The following QRSL1 variants were observed in gnomAD, a reference collection of about 807,000 sequenced individuals.
The protein encoded by QRSL1 is glutamyl-tRNA(Gln) amidotransferase subunit A, mitochondrial.
In QRSL1, 54 loss-of-function variants were observed where a neutral mutation model predicts 61.6. That is an observed-to-expected ratio of 0.88 (90% CI 0.70 to 1.10). The LOEUF (loss-of-function observed/expected upper bound fraction) is 1.10, where lower values mean the gene tolerates loss of function less well. Among genes scored for constraint, QRSL1 ranks in the 50% least tolerant of loss-of-function variants. QRSL1 has a pLI of 0.00. For missense variants in QRSL1, 505 were observed against 622.6 expected, an observed-to-expected ratio of 0.81 and a Z score of 2.01; for synonymous variants, 228 against 225.7, an observed-to-expected ratio of 1.01 and a Z score of -0.09.
intron 1 of QRSL1, 103 bp from the exon 2 acceptor site, chr6:106,640,246 A>G: frequency 1.9e-6 from 2 of 1,026,130 alleles, no homozygotes; most frequent in Non-Finnish European, 1.5e-6. Flanking sequence ...GCCTCACTTT[A>G]AAATGTTATA....
chr6:106,640,941 A>G lies in QRSL1; in HGVS notation c.283+20A>G, dbSNP rs1380900067. 6.5e-7 allele frequency: 1 copy of G among 1,543,752 alleles called. No individual in the cohort carries two copies. The highest frequency in any genetic ancestry group is 2.3e-5 in the East Asian group (1 of 44,326). ...TGAAAGGTAAAGTTTAACTGATCAG[A>G]GCATTGATAATTTTATAAAAATAGG... On this transcript the variant is annotated intron_variant, in intron 3 of 10. Transcript: ENST00000369046.
chr6:106,666,005 A>T lies in QRSL1; in HGVS notation c.*3A>T, dbSNP rs1023591409. The T allele has an allele frequency of 1.2e-6, 2 of 1,611,958 alleles. No individual in the cohort carries two copies. Among genetic ancestry groups the T allele is most frequent in the Non-Finnish European group, 1.7e-6 (2 of 1,178,150 alleles). On this transcript the variant is annotated 3_prime_UTR_variant, in exon 11 of 11. Coordinates refer to ENST00000369046, the MANE Select transcript of QRSL1 (RefSeq NM_018292.5). Reference sequence around the variant, plus strand: ...CCTCTGTCTCTCTAAAACAGTAAACATATCTTACAAATTAAAATGACTTTT... The same window carrying T: ...CCTCTGTCTCTCTAAAACAGTAAACTTATCTTACAAATTAAAATGACTTTT...
intron 7 of QRSL1, chr6:106,653,126 A>G (rs906504049): frequency 1.7e-5 from 3 of 172,532 alleles, no homozygotes; most frequent in South Asian, 3.2e-4. Flanking sequence ...TTACTACTGC[A>G]TCTATTACAG....
Position 106,635,724 on chromosome 6 carries a change from T to A in QRSL1, c.25-4625T>A, listed in dbSNP as rs1439353974. Among the ~76,000 whole-genome samples the A allele has an allele frequency of 3.3e-5, 5 of 151,824 alleles. No homozygotes were observed. In the East Asian group the frequency reaches 9.7e-4, roughly 29 times the overall value. On this transcript the variant is annotated intron_variant, in intron 1 of 10. Coordinates refer to ENST00000369046, the MANE Select transcript of QRSL1 (RefSeq NM_018292.5). ...CCCGTCTCTACTAAAAATACAAAAA[T>A]TATCCAGGTGGTGGCACACGCCTGT...
intron 5 of QRSL1, among the ~76,000 whole-genome samples, chr6:106,649,699 A>G (rs1027126329): frequency 2.6e-5 from 4 of 152,224 alleles, no homozygotes; most frequent in Non-Finnish European, 5.9e-5. Flanking sequence ...GGAATCTGCA[A>G]TTAAAAATGT....
intron 5 of QRSL1, among the ~76,000 whole-genome samples, chr6:106,650,651 C>T (rs1777176950): frequency 5.3e-5 from 8 of 152,120 alleles, no homozygotes. Flanking sequence ...AGTTAGAGCA[C>T]TATGCAATGA....
chr6:106,642,256 A>G (rs974238230), intron 3 of QRSL1, among the ~76,000 whole-genome samples: 2 of 152,178 alleles, frequency 1.3e-5, no homozygotes, highest in Non-Finnish European at 2.9e-5. Context: ...GTGTTTCTCC[A>G]CATTGGCCAG....
intron 7 of QRSL1, chr6:106,653,860 A>G (rs1484463494): frequency 6.6e-6 from 1 of 151,554 alleles, no homozygotes; most frequent in African/African-American, 2.4e-5. Flanking sequence ...ATATCTGTGC[A>G]TTCTTTTTAA....
intron 9 of QRSL1, among the ~76,000 whole-genome samples, chr6:106,660,445 C>A (rs1377195621): frequency 2.0e-5 from 3 of 152,038 alleles, no homozygotes; most frequent in Non-Finnish European, 2.9e-5. Context: ...CCAGCCACCC[C>A]ACAGGCATGA....
intron 8 of QRSL1, 31 bp from the exon 9 acceptor site, chr6:106,655,584 C>T (rs200414355): frequency 7.3e-7 from 1 of 1,364,984 alleles, no homozygotes; most frequent in African/African-American, 1.4e-5. Context: ...TACTTCCTTT[C>T]AAGTAATGTT....
rs994539793 is a variant in QRSL1 at position 106,666,696 on chromosome 6, G to A, written c.*694G>A. The A allele has an allele frequency of 6.6e-6, 1 of 152,394 alleles. No individual in the cohort carries two copies. Among genetic ancestry groups the A allele is most frequent in the Admixed American group, 6.5e-5 (1 of 15,296 alleles). 9.4% of individuals were successfully genotyped at this position (152,394 alleles called of 1,614,324 possible). On this transcript the variant is annotated 3_prime_UTR_variant, in exon 11 of 11. Transcript: ENST00000369046. ...GAGGTAACTTGGATAGCCTAGGCAG[G>A]CAACTTATCATGTGGTGAAGGCCGC...
intron 4 of QRSL1, among the ~76,000 whole-genome samples, chr6:106,644,152 A>G (rs1777070738): frequency 6.6e-6 from 1 of 152,104 alleles, no homozygotes; most frequent in African/African-American, 2.4e-5. Context: ...GATTACAGGC[A>G]TGTGCCACCA....
At chr6:106,659,171 A>G (rs3104039) in intron 9 of QRSL1, among the ~76,000 whole-genome samples, 64,986 of 151,956 alleles carry the variant, frequency 0.43, 14,561 homozygotes, top group Non-Finnish European at 0.51. Context: ...TTGAACATAT[A>G]GAACATATTT....
chr6:106,655,484 C>T, intron 8 of QRSL1, 131 bp from the exon 9 acceptor site: 1 of 581,976 alleles, frequency 1.7e-6, no homozygotes, highest in Non-Finnish European at 3.1e-6. Flanking sequence ...CACTGCACTC[C>T]AGCCTAGGTG....
At chr6:106,653,816 C>A (rs1485853577) in intron 7 of QRSL1, 8 of 145,020 alleles carry the variant, frequency 5.5e-5, no homozygotes, top group African/African-American at 1.6e-4. Context: ...AGAGCAAGAC[C>A]CTATCTCAAA....
chr6:106,657,478 A>G (rs966821979), intron 9 of QRSL1, among the ~76,000 whole-genome samples: 1 of 152,168 alleles, frequency 6.6e-6, no homozygotes, highest in Non-Finnish European at 1.5e-5. Flanking sequence ...GATGAATTAT[A>G]TAGGTCAATG....
chr6:106,634,573 C>T (rs905965916), intron 1 of QRSL1, among the ~76,000 whole-genome samples: 1 of 152,244 alleles, frequency 6.6e-6, no homozygotes, highest in East Asian at 1.9e-4. Context: ...TCAAGACCAG[C>T]CTAGGCAATG....
rs2169463 is a variant in QRSL1, at chr6:106,666,078, C to G, written c.*76C>G. On this transcript the variant is annotated 3_prime_UTR_variant, in exon 11 of 11. Coordinates refer to ENST00000369046, the MANE Select transcript of QRSL1 (RefSeq NM_018292.5). ...CCTGTAATCCCAGCACTTTGGGAGG[C>G]CAAGGCGAGCGGATCATGAGGTCAG... The G allele has an allele frequency of 0.37, 447,179 of 1,196,888 alleles. 87,758 individuals are homozygous for G. Among genetic ancestry groups the G allele is most frequent in the Non-Finnish European group, 0.41 (337,556 of 817,910 alleles). 74.1% of individuals were successfully genotyped at this position (1,196,888 alleles called of 1,614,324 possible).
chr6:106,631,130 GCAGGAGA>G (rs1341375976), intron 1 of QRSL1, among the ~76,000 whole-genome samples: 1 of 152,102 alleles, frequency 6.6e-6, no homozygotes, highest in African/African-American at 2.4e-5. Flanking sequence ...GGAGGCTGAG[GCAGGAGA>G]ATGGCGTGAA....
Sources: gnomAD v4.1 joint callset for allele counts (sites outside exome capture counted in the v4.1 genomes callset) on GRCh38, gnomAD v4.1.1 for gene constraint, MANE v1.5 for transcripts, NCBI Gene and HGNC (gene_info 2026-07-23, HGNC 2026-07-21) for gene names.